Variants in SMYD4 observed in about 807,000 individuals in gnomAD.
SMYD4 encodes the protein SET and MYND domain containing 4.
Under a neutral mutation model 72.8 loss-of-function variants are expected in SMYD4, and 68 were observed. The ratio of observed to expected loss-of-function variants is 0.93; its 90% confidence interval spans 0.77 to 1.14. The LOEUF (loss-of-function observed/expected upper bound fraction) is 1.14, where lower values mean the gene tolerates loss of function less well. Among genes scored for constraint, SMYD4 ranks in the 50% most tolerant of loss-of-function variants. The probability of loss-of-function intolerance (pLI) is 0.00; values close to 1 mark genes in which losing one functional copy is unlikely to be tolerated. For synonymous variants in SMYD4, 407 were observed against 388.6 expected (o/e 1.05, Z -0.56); for missense variants, 984 against 1,003.7 (o/e 0.98, Z 0.27).
chr17:1,783,197 C>T, intron 9 of SMYD4, 39 bp from the exon 10 acceptor site: 1 of 1,613,764 alleles, frequency 6.2e-7, no homozygotes, highest in Non-Finnish European at 8.5e-7. Context: ...AAAAGAACCA[C>T]TGTCAACTGT....
chr17:1,816,607 G>A (rs776871364), intron 2 of SMYD4, among the ~76,000 whole-genome samples: 7 of 150,318 alleles, frequency 4.7e-5, no homozygotes, highest in Non-Finnish European at 1.0e-4. Context: ...GCGACAAAGC[G>A]AGACTCTGTC....
chr17:1,811,186 G>A (rs968990301), intron 3 of SMYD4, among the ~76,000 whole-genome samples: 4 of 152,272 alleles, frequency 2.6e-5, no homozygotes, highest in Non-Finnish European at 5.9e-5. Flanking sequence ...CCCTGGGGTC[G>A]GAGCCCCGCA....
intron 5 of SMYD4, among the ~76,000 whole-genome samples, chr17:1,791,577 A>G (rs191344567): frequency 6.6e-6 from 1 of 152,304 alleles, no homozygotes; most frequent in East Asian, 1.9e-4. Context: ...GACTAAAAGA[A>G]AATGAGATGA....
chr17:1,816,563 T>G (rs954359113), intron 2 of SMYD4, among the ~76,000 whole-genome samples: 1 of 150,484 alleles, frequency 6.6e-6, no homozygotes, highest in Non-Finnish European at 1.5e-5. Flanking sequence ...GAGGTTGCAG[T>G]GAGCCGAGAG....
At chr17:1,797,951 G>A (rs981887866) in intron 5 of SMYD4, among the ~76,000 whole-genome samples, 2 of 151,768 alleles carry the variant, frequency 1.3e-5, no homozygotes, top group East Asian at 3.9e-4. Context: ...GCAGTGAGCC[G>A]AGATTGTGCC....
At chr17:1,788,824 A>T (rs1175598035) in intron 5 of SMYD4, among the ~76,000 whole-genome samples, 4 of 152,196 alleles carry the variant, frequency 2.6e-5, no homozygotes, top group African/African-American at 4.8e-5. Context: ...GTAACACTTC[A>T]CTTAGCCAGA....
At chr17:1,819,491 G>A (rs370179652) in intron 2 of SMYD4, among the ~76,000 whole-genome samples, 2 of 152,136 alleles carry the variant, frequency 1.3e-5, no homozygotes, top group Non-Finnish European at 2.9e-5. Context: ...GGCAATTGCT[G>A]AATCTCTGCA....
chr17:1,801,157 A>T, intron 4 of SMYD4, 133 bp from the exon 5 acceptor site: 1 of 745,100 alleles, frequency 1.3e-6, no homozygotes, highest in Non-Finnish European at 2.2e-6. Context: ...CATGCTTATT[A>T]AAATCATATA....
In SMYD4 at chr17:1,779,671, G is replaced by C. The variant is rs1357749377; in HGVS notation, c.*1615C>G. 1 of 152,230 alleles carries C rather than the reference G, an allele frequency of 6.6e-6. No homozygotes were observed. Among genetic ancestry groups the C allele is most frequent in the African/African-American group, 2.4e-5 (1 of 41,452 alleles). The allele number at this position is 152,230 out of a possible 1,614,324, so 9.4% of individuals were successfully genotyped here. ...AACACACTGACAGCCGTCATCCCTG[G>C]AGGAAACTGCTCAATAAAACGGCTC... is the stretch of plus-strand genomic sequence containing the variant. On this transcript the variant is annotated 3_prime_UTR_variant, in exon 11 of 11. Transcript: ENST00000305513.
At chr17:1,811,429 C>T (rs951584843) in intron 3 of SMYD4, among the ~76,000 whole-genome samples, 1 of 152,164 alleles carries the variant, frequency 6.6e-6, no homozygotes, top group Non-Finnish European at 1.5e-5. Context: ...GTGATCCTCC[C>T]GACTCAGCCT....
chr17:1,826,491 C>CAAAAAAAAAAAAAAAAAAAAAA (rs111636314), intron 2 of SMYD4, among the ~76,000 whole-genome samples: 5 of 103,118 alleles, frequency 4.8e-5, no homozygotes, highest in African/African-American at 9.5e-5. Context: ...AAACTCTGTC[C>CAAAAAAAAAAAAAAAAAAAAAA]AAAAAAAAAA....
rs777963267 is a variant in SMYD4 at position 1,784,497 on chromosome 17, G to A, written c.1885-36C>T. The A allele has an allele frequency of 1.9e-6, 3 of 1,612,838 alleles. No individual in the cohort carries two copies. In the South Asian group the frequency reaches 3.3e-5, roughly 18 times the overall value. ...CAGTTTTCTCTTTATTCCAATGCCAGGGTCAGTTATCAACACCGCCTGTGC... is the reference window on the plus strand; with the variant it reads ...CAGTTTTCTCTTTATTCCAATGCCAAGGTCAGTTATCAACACCGCCTGTGC... On this transcript the variant is annotated intron_variant, in intron 7 of 10. Transcript: ENST00000305513.
At chr17:1,802,733 T>C (rs1401595981) in intron 4 of SMYD4, among the ~76,000 whole-genome samples, 1 of 152,230 alleles carries the variant, frequency 6.6e-6, no homozygotes. Context: ...TTGTAGAATG[T>C]TGAAACAGAT....
At chr17:1,797,708 G>A (rs1225274426) in intron 5 of SMYD4, among the ~76,000 whole-genome samples, 2 of 152,074 alleles carry the variant, frequency 1.3e-5, no homozygotes, top group African/African-American at 4.8e-5. Flanking sequence ...TTGAGTTAAG[G>A]GTCTGATATC....
rs528199948 is a variant in SMYD4, at chr17:1,812,010, C to T, written c.240G>A (p.Gln80=). Residue 80 remains glutamine, a synonymous_variant, in exon 3 of 11, where the codon CAG becomes CAA. Transcript: ENST00000305513. ...CTGCAGCTCCTGTGTAATCTTTCTC[C>T]TGAAATTTTTTGTTTCCTTCTTCTC... The part of the protein sequence containing the change: ...FYREEGNKKF[Q]EKDYTGAAVL... The T allele has an allele frequency of 9.3e-6, 15 of 1,614,104 alleles. No individual in the cohort carries two copies. Among genetic ancestry groups the T allele is most frequent in the Non-Finnish European group, 1.2e-5 (14 of 1,180,020 alleles).
intron 2 of SMYD4, among the ~76,000 whole-genome samples, chr17:1,812,428 T>C (rs953485695): frequency 1.3e-5 from 2 of 151,686 alleles, no homozygotes; most frequent in African/African-American, 2.4e-5. Context: ...CTGGCACTAA[T>C]TGGGAGGATG....
At chr17:1,806,022 C>T (rs1415435395) in intron 3 of SMYD4, among the ~76,000 whole-genome samples, 2 of 150,114 alleles carry the variant, frequency 1.3e-5, no homozygotes, top group East Asian at 2.0e-4. Flanking sequence ...CTCCCGGGTT[C>T]GCGCCATTCT....
intron 5 of SMYD4, among the ~76,000 whole-genome samples, chr17:1,799,535 A>G (rs1597378615): frequency 6.6e-6 from 1 of 151,422 alleles, no homozygotes; most frequent in Non-Finnish European, 1.5e-5. Context: ...ATGCCCAGCT[A>G]ATTTTTTTAT....
chr17:1,819,338 C>CAG (rs1305417373), intron 2 of SMYD4, among the ~76,000 whole-genome samples: 1 of 152,088 alleles, frequency 6.6e-6, no homozygotes, highest in Non-Finnish European at 1.5e-5. Context: ...GCCTGGGAGA[C>CAG]AGAGAGAGAC....
Sources: gnomAD v4.1 joint callset for allele counts (sites outside exome capture counted in the v4.1 genomes callset) on GRCh38, gnomAD v4.1.1 for gene constraint, MANE v1.5 for transcripts, NCBI Gene and HGNC (gene_info 2026-07-23, HGNC 2026-07-21) for gene names.